MPPED2: variants seen among roughly 807,000 people sequenced by gnomAD.
The protein encoded by MPPED2 is metallophosphoesterase MPPED2.
In MPPED2, 5 loss-of-function variants were observed where a neutral mutation model predicts 33.0. That is an observed-to-expected ratio of 0.15 (90% confidence interval 0.08 to 0.32). The LOEUF (loss-of-function observed/expected upper bound fraction) is 0.32. Ranked by LOEUF, MPPED2 falls within the 10% of genes least tolerant of loss-of-function variation. The probability of loss-of-function intolerance (pLI) is 1.00; values close to 1 mark genes in which losing one functional copy is unlikely to be tolerated. For synonymous variants in MPPED2, 136 were observed against 141.9 expected, an observed-to-expected ratio of 0.96 and a Z score of 0.29; for missense variants, 275 against 372.1, an observed-to-expected ratio of 0.74 and a Z score of 2.15.
chr11:30,495,091 T>C (rs1565124128), intron 4 of MPPED2: 2 of 573,460 alleles, frequency 3.5e-6, no homozygotes, highest in Non-Finnish European at 3.1e-6. Context: ...TTAACTCCTA[T>C]TGATCTTGCC....
At chr11:30,525,265 C>T (rs1954102602) in intron 3 of MPPED2, among the ~76,000 whole-genome samples, 1 of 152,212 alleles carries the variant, frequency 6.6e-6, no homozygotes, top group Non-Finnish European at 1.5e-5. Context: ...TTAGAATATA[C>T]ACAAATAATC....
chr11:30,521,430 A>C (rs1272497484), intron 3 of MPPED2, among the ~76,000 whole-genome samples: 1 of 152,186 alleles, frequency 6.6e-6, no homozygotes, highest in Non-Finnish European at 1.5e-5. Flanking sequence ...TTCCACAAGG[A>C]CTAACAGCCA....
chr11:30,409,761 G>A (rs796462605), downstream of MPPED2, among the ~76,000 whole-genome samples: 4 of 152,116 alleles, frequency 2.6e-5, no homozygotes, highest in South Asian at 2.1e-4. Context: ...TCTGGTTTTC[G>A]CCACCCTTCT....
chr11:30,571,420 T>G (rs542534290), intron 2 of MPPED2, among the ~76,000 whole-genome samples: 2 of 152,218 alleles, frequency 1.3e-5, no homozygotes, highest in East Asian at 3.9e-4. Context: ...CAACAGAGTT[T>G]CCTCTTTGCA....
intron 2 of MPPED2, among the ~76,000 whole-genome samples, chr11:30,570,021 C>T (rs574412475): frequency 6.6e-6 from 1 of 152,268 alleles, no homozygotes; most frequent in East Asian, 1.9e-4. Context: ...CAAATACGCC[C>T]ATTTCTCCTC....
In MPPED2 at chr11:30,495,080, T is replaced by C. The variant is rs905090738; in HGVS notation, c.536+216A>G. 1.4e-4 allele frequency: 76 copies of C among 557,048 alleles called. No homozygotes were observed. The Admixed American group carries it at 1.7e-3, about 13-fold the overall frequency. 34.5% of individuals were successfully genotyped at this position (557,048 alleles called of 1,614,324 possible). A position where few individuals can be genotyped will look rare whatever the true frequency, so the allele number is the denominator to read the frequency against. ...CATGACTGTATATATCTAGGAAAGC[T>C]TTAACTCCTATTGATCTTGCCTAAA... On this transcript the variant is annotated intron_variant, in intron 4 of 6. Coordinates refer to ENST00000358117, the MANE Select transcript of MPPED2 (RefSeq NM_001584.3).
intron 3 of MPPED2, among the ~76,000 whole-genome samples, chr11:30,526,261 A>G (rs1348524948): frequency 6.6e-6 from 1 of 152,142 alleles, no homozygotes; most frequent in Non-Finnish European, 1.5e-5. Flanking sequence ...CATACAGGCA[A>G]CTCATAGACA....
At chr11:30,498,308 G>C (rs1350993241) in intron 3 of MPPED2, among the ~76,000 whole-genome samples, 1 of 151,946 alleles carries the variant, frequency 6.6e-6, no homozygotes, top group Non-Finnish European at 1.5e-5. Flanking sequence ...CTACCAGCCG[G>C]GCACGGTGGC....
chr11:30,405,016 C>T (rs772710704), intron 6 of MPPED2, among the ~76,000 whole-genome samples: 4 of 152,028 alleles, frequency 2.6e-5, no homozygotes, highest in Admixed American at 6.6e-5. Context: ...CACAGCTGGA[C>T]GTATATGTGG....
intron 2 of MPPED2, among the ~76,000 whole-genome samples, chr11:30,564,062 G>A (rs1956341669): frequency 1.3e-5 from 2 of 152,160 alleles, no homozygotes; most frequent in South Asian, 4.1e-4. Context: ...TCTGGCTAGA[G>A]GAAAGCTAAC....
intron 4 of MPPED2, among the ~76,000 whole-genome samples, chr11:30,440,433 C>T (rs961933491): frequency 2.0e-5 from 3 of 152,094 alleles, no homozygotes; most frequent in Non-Finnish European, 4.4e-5. Context: ...GTAGCCATGA[C>T]AGAGACCATA....
chr11:30,494,737 CAAAAAAA>C (rs767500886), intron 4 of MPPED2, among the ~76,000 whole-genome samples: 1,349 of 47,616 alleles, frequency 0.028, 34 homozygotes, highest in African/African-American at 0.09. Context: ...TACTCCACCT[CAAAAAAA>C]AAAAAAAAAA....
Position 30,410,378 on chromosome 11 carries a change from G to T in MPPED2, c.*1090C>A. On this transcript the variant is annotated 3_prime_UTR_variant, in exon 7 of 7. Coordinates refer to ENST00000358117, the MANE Select transcript of MPPED2 (RefSeq NM_001584.3). ...GCATTTACAATGGGAAAACAGAAAT[G>T]ACTATTAGCGACAATATTTTGTGCT... The T allele has an allele frequency of 1.0e-6, 1 of 985,738 alleles. No homozygotes were observed. The highest frequency in any genetic ancestry group is 1.2e-6 in the Non-Finnish European group (1 of 829,858). The allele number at this position is 985,738 out of a possible 1,614,324, so 61.1% of individuals were successfully genotyped here.
chr11:30,521,805 G>A (rs535763731), intron 3 of MPPED2, among the ~76,000 whole-genome samples: 1 of 152,250 alleles, frequency 6.6e-6, no homozygotes, highest in South Asian at 2.1e-4. Context: ...TGCCGCAGAA[G>A]AATGCAGGAT....
At chr11:30,579,614 T>C (rs1376310829) in intron 2 of MPPED2, among the ~76,000 whole-genome samples, 1 of 152,134 alleles carries the variant, frequency 6.6e-6, no homozygotes, top group Admixed American at 6.5e-5. Context: ...ATGACTTAAA[T>C]AGTATTAGGG....
intron 2 of MPPED2, among the ~76,000 whole-genome samples, chr11:30,555,831 AAAC>A (rs1399596953): frequency 6.6e-6 from 1 of 152,212 alleles, no homozygotes; most frequent in Admixed American, 6.5e-5. Context: ...CCAATGAAAA[AAAC>A]AAATCCTCTG....
chr11:30,557,630 C>A (rs1418174541), intron 2 of MPPED2, among the ~76,000 whole-genome samples: 1 of 152,204 alleles, frequency 6.6e-6, no homozygotes, highest in African/African-American at 2.4e-5. Flanking sequence ...CAATAAACAT[C>A]TCTAACCAGC....
chr11:30,471,162 T>G (rs975906521), intron 4 of MPPED2, among the ~76,000 whole-genome samples: 2 of 152,214 alleles, frequency 1.3e-5, no homozygotes, highest in African/African-American at 4.8e-5. Flanking sequence ...TCCGCTTGTC[T>G]TGGGTCTTTC....
intron 3 of MPPED2, among the ~76,000 whole-genome samples, chr11:30,501,978 G>C (rs1053963464): frequency 6.6e-6 from 1 of 152,112 alleles, no homozygotes; most frequent in African/African-American, 2.4e-5. Flanking sequence ...AGAGGGGAAC[G>C]ACCTTCTCTG....
Sources: allele counts gnomAD v4.1 joint callset (sites outside exome capture counted in the v4.1 genomes callset), GRCh38; gene constraint gnomAD v4.1.1; transcripts MANE v1.5; gene names NCBI Gene and HGNC (gene_info 2026-07-23, HGNC 2026-07-21).